The following GRIN3A variants were observed in gnomAD, a reference collection of about 807,000 sequenced individuals.
The protein encoded by GRIN3A is glutamate ionotropic receptor NMDA type subunit 3A, also known as glutamate receptor ionotropic, NMDA 3A.
GRIN3A carries 47 observed loss-of-function variants against 92.4 expected under a neutral mutation model. The observed-to-expected ratio is 0.51, with a 90% CI of 0.40 to 0.65. GRIN3A has a LOEUF of 0.65. Among genes scored for constraint, GRIN3A ranks in the 30% least tolerant of loss-of-function variants. The pLI, the probability that GRIN3A is intolerant of heterozygous loss-of-function variation, is 0.00. For missense variants in GRIN3A, 1,324 were observed against 1,393.1 expected (o/e 0.95, Z 0.79); for synonymous variants, 527 against 540.6 (o/e 0.97, Z 0.35).
chr9:101,699,086 G>A (rs549152227), intron 1 of GRIN3A, among the ~76,000 whole-genome samples: 4 of 152,078 alleles, frequency 2.6e-5, no homozygotes, highest in African/African-American at 7.2e-5. Flanking sequence ...AAAACACATC[G>A]TAGAGCTGTA....
chr9:101,647,321 C>A (rs1200921347), intron 3 of GRIN3A, among the ~76,000 whole-genome samples: 3 of 151,870 alleles, frequency 2.0e-5, no homozygotes, highest in Non-Finnish European at 4.4e-5. Context: ...GTTGAACCAT[C>A]CTTCTGTCCT....
chr9:101,660,065 G>A (rs1240270865), intron 3 of GRIN3A, among the ~76,000 whole-genome samples: 1 of 151,682 alleles, frequency 6.6e-6, no homozygotes, highest in East Asian at 2.0e-4. Flanking sequence ...TAATTGTCGT[G>A]TACTGTGTGT....
chr9:101,619,504 T>C (rs1404262844), intron 5 of GRIN3A, among the ~76,000 whole-genome samples: 6 of 152,198 alleles, frequency 3.9e-5, no homozygotes, highest in African/African-American at 1.2e-4. Flanking sequence ...CTACAGTACA[T>C]GCTTTATATG....
chr9:101,661,976 T>G (rs1829177295), intron 3 of GRIN3A, among the ~76,000 whole-genome samples: 1 of 151,942 alleles, frequency 6.6e-6, no homozygotes. Context: ...CTTTATTAAT[T>G]GTCGCATTTA....
intron 1 of GRIN3A, among the ~76,000 whole-genome samples, chr9:101,716,755 C>G (rs1240623992): frequency 6.6e-6 from 1 of 152,124 alleles, no homozygotes; most frequent in African/African-American, 2.4e-5. Flanking sequence ...ATTTCCTAGT[C>G]CAGAAGGTGT....
chr9:101,661,204 T>G (rs1351979006), intron 3 of GRIN3A, among the ~76,000 whole-genome samples: 1 of 151,864 alleles, frequency 6.6e-6, no homozygotes, highest in African/African-American at 2.4e-5. Context: ...GAGCAAATAT[T>G]GCTATTGTGA....
intron 1 of GRIN3A, among the ~76,000 whole-genome samples, chr9:101,691,863 C>A (rs1246803438): frequency 1.3e-5 from 2 of 152,276 alleles, no homozygotes; most frequent in South Asian, 2.1e-4. Context: ...GATTTATGCA[C>A]CATGTGGCCT....
Position 101,737,449 on chromosome 9 carries a change from A to AG in GRIN3A, c.530dup (p.Ser179LeufsTer71). ...GGCACACACTTTGCAGGAAGGAGAA[A>AG]GGGTCACTGCTCCATGGCGAACTAG... is the stretch of plus-strand genomic sequence containing the variant. On this transcript the variant is annotated frameshift_variant, in exon 1 of 9. Transcript: ENST00000361820. LOFTEE classifies it high-confidence loss of function. 1 of 1,614,264 alleles carries AG rather than the reference A, an allele frequency of 6.2e-7. No individual in the cohort carries two copies. Among genetic ancestry groups the AG allele is most frequent in the Non-Finnish European group, 8.5e-7 (1 of 1,180,042 alleles).
chr9:101,717,200 A>T (rs1236303439), intron 1 of GRIN3A, among the ~76,000 whole-genome samples: 1 of 152,208 alleles, frequency 6.6e-6, no homozygotes, highest in Admixed American at 6.5e-5. Flanking sequence ...CAGTGAGGCT[A>T]AAATTCTATA....
Position 101,737,995 on chromosome 9 carries a change from G to C in GRIN3A, c.-16C>G. The C allele has an allele frequency of 6.5e-7, 1 of 1,531,312 alleles. No homozygotes were observed. The highest frequency in any genetic ancestry group is 1.2e-5 in the South Asian group (1 of 83,912). The allele number at this position is 1,531,312 out of a possible 1,614,324, so 94.9% of individuals were successfully genotyped here. A position where few individuals can be genotyped will look rare whatever the true frequency, so the allele number is the denominator to read the frequency against. The stretch of plus-strand genomic sequence containing the variant: ...GTCTCCTCATTACTGAGACCCGCAG[G>C]GAGAAAGCGCGCCCCCTCCTGCGCC... On this transcript the variant is annotated 5_prime_UTR_variant, in exon 1 of 9. Transcript: ENST00000361820.
At chr9:101,737,233 G>A (rs770572768) in intron 1 of GRIN3A, 48 bp downstream of exon 1, 1 of 1,514,758 alleles carries the variant, frequency 6.6e-7, no homozygotes, top group East Asian at 2.3e-5. Flanking sequence ...CAATGGCCCC[G>A]GCCCCCAGCA....
intron 4 of GRIN3A, among the ~76,000 whole-genome samples, chr9:101,626,766 G>A (rs79741250): frequency 1.3e-3 from 204 of 152,300 alleles, no homozygotes; most frequent in Non-Finnish European, 2.4e-3. Context: ...TTTCATCATC[G>A]TTCCCAGACT....
At chr9:101,698,611 C>T (rs1829712670) in intron 1 of GRIN3A, among the ~76,000 whole-genome samples, 1 of 152,188 alleles carries the variant, frequency 6.6e-6, no homozygotes, top group African/African-American at 2.4e-5. Context: ...TAGTCAATTA[C>T]AACATAATGG....
chr9:101,666,809 C>T (rs1208565241), intron 3 of GRIN3A, among the ~76,000 whole-genome samples: 1 of 152,018 alleles, frequency 6.6e-6, no homozygotes, highest in Non-Finnish European at 1.5e-5. Context: ...AATTAATTGC[C>T]AAGTCCTGCT....
At chr9:101,630,204 T>G (rs762620635) in intron 3 of GRIN3A, among the ~76,000 whole-genome samples, 2 of 152,176 alleles carry the variant, frequency 1.3e-5, no homozygotes, top group Non-Finnish European at 2.9e-5. Flanking sequence ...AAACTACTTA[T>G]TTATCTGTGC....
intron 5 of GRIN3A, 80 bp from the exon 6 acceptor site, chr9:101,613,607 C>G: frequency 2.9e-6 from 4 of 1,391,092 alleles, no homozygotes; most frequent in Non-Finnish European, 4.0e-6. Context: ...TTGTGTGATA[C>G]TGCCATCAGA....
Position 101,641,995 on chromosome 9 carries a change from T to C in GRIN3A, c.2353-13594A>G, listed in dbSNP as rs192427927. 3.3e-5 allele frequency among the ~76,000 whole-genome samples: 5 copies of C among 152,180 alleles called. No individual in the cohort carries two copies. In the East Asian group the frequency reaches 9.7e-4, roughly 29 times the overall value. ...AACTAAAAAGTTGATGATTTTGTAA[T>C]TGCAACAGAACCCAAATAACCAAAG... On this transcript the variant is annotated intron_variant, in intron 3 of 8. Transcript: ENST00000361820.
chr9:101,678,114 G>C (rs1296465101), intron 2 of GRIN3A, among the ~76,000 whole-genome samples: 1 of 152,072 alleles, frequency 6.6e-6, no homozygotes, highest in African/African-American at 2.4e-5. Context: ...TGACTCTTAG[G>C]CACAACACAG....
chr9:101,586,537 G>T (rs1827952879), intron 6 of GRIN3A, among the ~76,000 whole-genome samples: 2 of 152,098 alleles, frequency 1.3e-5, no homozygotes, highest in African/African-American at 2.4e-5. Context: ...AGGAAACAAG[G>T]CCCAGTTTTG....
Sources: gnomAD v4.1 joint callset for allele counts (sites outside exome capture counted in the v4.1 genomes callset) on GRCh38, gnomAD v4.1.1 for gene constraint, MANE v1.5 for transcripts, NCBI Gene and HGNC (gene_info 2026-07-23, HGNC 2026-07-21) for gene names.